DPP6: variants seen among roughly 807,000 people sequenced by gnomAD.
DPP6 encodes A-type potassium channel modulatory protein DPP6.
Under a neutral mutation model 122.6 loss-of-function variants are expected in DPP6, and 69 were observed. That is an observed-to-expected ratio of 0.56 (90% confidence interval 0.46 to 0.69). DPP6 has a LOEUF of 0.69. Ranked by LOEUF, DPP6 falls within the 30% of genes least tolerant of loss-of-function variation. The pLI, the probability that DPP6 is intolerant of heterozygous loss-of-function variation, is 0.00. For missense variants in DPP6, 928 were observed against 1,116.9 expected (o/e 0.83, Z 2.41); for synonymous variants, 418 against 433.1 (o/e 0.97, Z 0.43).
At chr7:154,365,676 A>G (rs1812096895) in intron 1 of DPP6, among the ~76,000 whole-genome samples, 2 of 151,206 alleles carry the variant, frequency 1.3e-5, no homozygotes, top group Non-Finnish European at 3.0e-5. Context: ...GAAGGGGGCC[A>G]GGCGCGGTGG....
chr7:154,247,173 A>C (rs1802035041), intron 1 of DPP6, among the ~76,000 whole-genome samples: 2 of 152,006 alleles, frequency 1.3e-5, no homozygotes, highest in South Asian at 4.2e-4. Context: ...ATGAGCCAGG[A>C]GTGGTGGTGT....
the DPP6 span, among the ~76,000 whole-genome samples, chr7:153,867,795 G>A: frequency 6.6e-6 from 1 of 152,112 alleles, no homozygotes; most frequent in African/African-American, 2.4e-5. Flanking sequence ...GTTTGACATA[G>A]ATAGCTCTTA....
chr7:154,148,965 C>T (rs1219261760), intron 1 of DPP6, among the ~76,000 whole-genome samples: 2 of 147,038 alleles, frequency 1.4e-5, no homozygotes, highest in African/African-American at 2.7e-5. Flanking sequence ...AACATTGACA[C>T]GAGGATGCCT....
chr7:153,805,039 T>C, the DPP6 span, among the ~76,000 whole-genome samples: 1 of 152,196 alleles, frequency 6.6e-6, no homozygotes, highest in East Asian at 1.9e-4. Flanking sequence ...ATTTCAGGAA[T>C]GCAGAAACAA....
chr7:154,540,503 G>T (rs1828630940), intron 3 of DPP6, 29 bp from the exon 4 acceptor site: 8 of 1,379,278 alleles, frequency 5.8e-6, no homozygotes, highest in Non-Finnish European at 8.2e-6. Context: ...GATGTTTCAT[G>T]TGGTTTTTTT....
chr7:154,776,156 A>G (rs1242130825), intron 10 of DPP6, among the ~76,000 whole-genome samples: 1 of 151,662 alleles, frequency 6.6e-6, no homozygotes, highest in Non-Finnish European at 1.5e-5. Context: ...CTCCAAGTAA[A>G]GGCCAGACTT....
chr7:154,403,295 G>A lies in DPP6; in HGVS notation c.244-42919G>A, dbSNP rs1489769571. ...ATGCAGGAGGTTGCTGTGTGATAGA[G>A]TGCGGGGGAATCAGGACACCGCCCA... On this transcript the variant is annotated intron_variant, in intron 1 of 25. Coordinates refer to ENST00000377770, the MANE Select transcript of DPP6 (RefSeq NM_130797.4). The surrounding 1 kb of genome is among the most constrained non-coding windows in gnomAD (Gnocchi z 4.1). Among the ~76,000 whole-genome samples, 1 of 152,218 alleles carries A rather than the reference G, an allele frequency of 6.6e-6. No individual in the cohort carries two copies. Among genetic ancestry groups the A allele is most frequent in the African/African-American group, 2.4e-5 (1 of 41,448 alleles).
intron 5 of DPP6, among the ~76,000 whole-genome samples, chr7:154,610,704 TC>T (rs1435592594): frequency 1.1e-5 from 1 of 91,988 alleles, no homozygotes. Flanking sequence ...TCTGTGTTGT[TC>T]TCTGTGTGTG....
At chr7:154,388,140 A>T (rs1423723574) in intron 1 of DPP6, among the ~76,000 whole-genome samples, 1 of 152,076 alleles carries the variant, frequency 6.6e-6, no homozygotes, top group Non-Finnish European at 1.5e-5. Flanking sequence ...CATCTCTATT[A>T]AAAATACAAA....
At chr7:154,097,446 G>C (rs201033996) in intron 1 of DPP6, among the ~76,000 whole-genome samples, 6,510 of 151,420 alleles carry the variant, frequency 0.043, no homozygotes, top group East Asian at 0.22. Context: ...CTCCAGCATA[G>C]CTGGACAGGG....
chr7:153,780,577 G>A, the DPP6 span, among the ~76,000 whole-genome samples: 10 of 152,120 alleles, frequency 6.6e-5, no homozygotes, highest in African/African-American at 1.4e-4. Context: ...TCTGAAGAAC[G>A]TACTTGGGCA....
intron 1 of DPP6, chr7:154,055,962 A>G (rs941872385): frequency 1.3e-5 from 2 of 152,218 alleles, no homozygotes; most frequent in African/African-American, 4.8e-5. Context: ...GCTTCTGTGC[A>G]TGTGTGTACA....
chr7:154,591,323 G>A (rs1832798246), intron 5 of DPP6, among the ~76,000 whole-genome samples: 1 of 152,318 alleles, frequency 6.6e-6, no homozygotes. Context: ...CAAATCATGG[G>A]TCTAGCCCTA....
chr7:154,303,708 T>G (rs1053688750), intron 1 of DPP6, among the ~76,000 whole-genome samples: 1 of 152,134 alleles, frequency 6.6e-6, no homozygotes, highest in East Asian at 1.9e-4. Context: ...CACGGGGTTT[T>G]CATTTCTTTA....
intron 1 of DPP6, among the ~76,000 whole-genome samples, chr7:154,391,035 T>A (rs1309516103): frequency 6.6e-6 from 1 of 152,156 alleles, no homozygotes; most frequent in Non-Finnish European, 1.5e-5. Context: ...GCCCACCTAC[T>A]GTTTGGGATT....
At chr7:154,762,074 C>T (rs2131517772) in intron 8 of DPP6, among the ~76,000 whole-genome samples, 1 of 152,294 alleles carries the variant, frequency 6.6e-6, no homozygotes, top group East Asian at 1.9e-4. Flanking sequence ...TGGTGCTAAA[C>T]CATTTGTGAG....
intron 10 of DPP6, among the ~76,000 whole-genome samples, chr7:154,778,703 A>ACCG (rs201653154): frequency 1.4e-5 from 2 of 145,624 alleles, no homozygotes; most frequent in South Asian, 2.3e-4. Context: ...CACCACCATC[A>ACCG]CCACCACCAC....
chr7:153,950,966 C>G (rs1044981176), intron 1 of DPP6, among the ~76,000 whole-genome samples: 5 of 152,096 alleles, frequency 3.3e-5, no homozygotes, highest in Admixed American at 2.6e-4. Context: ...GCACAGGGAG[C>G]GGCCAACACC....
At chr7:154,269,247 G>T (rs911508069) in intron 1 of DPP6, among the ~76,000 whole-genome samples, 13 of 152,130 alleles carry the variant, frequency 8.5e-5, no homozygotes, top group Non-Finnish European at 1.8e-4. Flanking sequence ...CACACAACTG[G>T]TAAGTGGAAA....
Sources: gnomAD v4.1 joint callset for allele counts (sites outside exome capture counted in the v4.1 genomes callset) on GRCh38, gnomAD v4.1.1 for gene constraint, Gnocchi (gnomAD v3.1) non-coding constraint, MANE v1.5 for transcripts, NCBI Gene and HGNC (gene_info 2026-07-23, HGNC 2026-07-21) for gene names.